The following MPDZ variants were observed in gnomAD, a reference collection of about 807,000 sequenced individuals.
MPDZ encodes multiple PDZ domain crumbs cell polarity complex component.
A neutral mutation model predicts 239.1 loss-of-function variants in MPDZ; 234 were observed. The ratio of observed to expected loss-of-function variants is 0.98; its 90% CI spans 0.88 to 1.09. The LOEUF is 1.09. MPDZ is among the 50% of genes least tolerant of loss of function. The pLI is 0.00. For synonymous variants in MPDZ, 1,048 were observed against 881.3 expected (o/e 1.19, Z -3.35); for missense variants, 3,175 against 2,510.0 (o/e 1.26, Z -5.66).
chr9:13,129,204 T>C (rs150269327), intron 32 of MPDZ, among the ~76,000 whole-genome samples: 5,136 of 152,226 alleles, frequency 0.034, 299 homozygotes, highest in African/African-American at 0.12. Flanking sequence ...GGCTCAGACC[T>C]GTAATCCCAG....
chr9:13,242,354 T>C (rs1212658556), intron 3 of MPDZ, among the ~76,000 whole-genome samples: 2 of 150,006 alleles, frequency 1.3e-5, no homozygotes, highest in African/African-American at 2.5e-5. Context: ...GCCTCCCCAG[T>C]AGCTGGGATT....
At chr9:13,202,145 T>C (rs1465278632) in intron 12 of MPDZ, among the ~76,000 whole-genome samples, 1 of 152,206 alleles carries the variant, frequency 6.6e-6, no homozygotes, top group Non-Finnish European at 1.5e-5. Context: ...ACTTAAATGC[T>C]GGGCTGTTGT....
At chr9:13,197,278 T>G (rs1484666629) in intron 12 of MPDZ, among the ~76,000 whole-genome samples, 1 of 151,816 alleles carries the variant, frequency 6.6e-6, no homozygotes, top group Non-Finnish European at 1.5e-5. Context: ...ATAGAAGAAA[T>G]ATGTTCCAGT....
intron 3 of MPDZ, among the ~76,000 whole-genome samples, chr9:13,236,197 ATGTGTGTGTGTGTG>A (rs377695828): frequency 3.0e-4 from 23 of 76,994 alleles, no homozygotes; most frequent in Non-Finnish European, 4.9e-4. Context: ...TTCTGTATAT[ATGTGTGTGTGTGTG>A]TGTGTGTGTG....
chr9:13,199,816 G>C (rs1007834520), intron 12 of MPDZ, among the ~76,000 whole-genome samples: 3 of 152,030 alleles, frequency 2.0e-5, no homozygotes, highest in Non-Finnish European at 4.4e-5. Flanking sequence ...AATCAAACTT[G>C]ATTATGATTA....
At chr9:13,205,367 G>C (rs1956874704) in intron 11 of MPDZ, among the ~76,000 whole-genome samples, 2 of 152,116 alleles carry the variant, frequency 1.3e-5, no homozygotes, top group African/African-American at 2.4e-5. Context: ...TTTTAGAAAT[G>C]AAACAGCACT....
intron 10 of MPDZ, among the ~76,000 whole-genome samples, chr9:13,211,637 G>T (rs1476258412): frequency 6.6e-6 from 1 of 151,942 alleles, no homozygotes; most frequent in South Asian, 2.1e-4. Flanking sequence ...AGAAATATAA[G>T]GTAGTATGTA....
At chr9:13,274,929 A>T (rs943418017) in intron 1 of MPDZ, among the ~76,000 whole-genome samples, 1 of 150,402 alleles carries the variant, frequency 6.6e-6, no homozygotes, top group African/African-American at 2.5e-5. Flanking sequence ...TAAAACACTT[A>T]AAAAAAAAAT....
chr9:13,181,830 C>G (rs1037745747), intron 19 of MPDZ, among the ~76,000 whole-genome samples: 12 of 152,148 alleles, frequency 7.9e-5, no homozygotes, highest in Non-Finnish European at 1.5e-4. Context: ...AAGACGTGTG[C>G]TATGCTGTGG....
At chr9:13,197,681 T>C (rs548075487) in intron 12 of MPDZ, among the ~76,000 whole-genome samples, 44 of 152,224 alleles carry the variant, frequency 2.9e-4, no homozygotes, top group South Asian at 1.5e-3. Context: ...TACTGTGCTG[T>C]TGAACACTAG....
intron 22 of MPDZ, among the ~76,000 whole-genome samples, chr9:13,167,237 G>T (rs1951186843): frequency 6.6e-6 from 1 of 151,982 alleles, no homozygotes; most frequent in South Asian, 2.1e-4. Context: ...CATTTTTAAT[G>T]ATGTTTACTT....
intron 19 of MPDZ, among the ~76,000 whole-genome samples, chr9:13,177,119 A>G (rs1469308185): frequency 1.3e-5 from 2 of 152,150 alleles, no homozygotes; most frequent in East Asian, 3.9e-4. Flanking sequence ...CTAAAATTGT[A>G]GAGTTCTATA....
chr9:13,246,938 A>C (rs1391155948), intron 3 of MPDZ, among the ~76,000 whole-genome samples: 1 of 152,244 alleles, frequency 6.6e-6, no homozygotes. Context: ...TGATTAAATT[A>C]AGTAAGTTCA....
chr9:13,113,909 T>C, intron 41 of MPDZ, 22 bp downstream of exon 41: 1 of 1,552,346 alleles, frequency 6.4e-7, no homozygotes, highest in East Asian at 2.3e-5. Flanking sequence ...AAACCATGTT[T>C]AAAATACTGA....
At chr9:13,109,854 T>C in intron 45 of MPDZ, 98 bp downstream of exon 45, 1 of 889,716 alleles carries the variant, frequency 1.1e-6, no homozygotes, top group East Asian at 2.6e-5. Flanking sequence ...ATTTTACCTG[T>C]ACGTAATTCC....
intron 10 of MPDZ, among the ~76,000 whole-genome samples, chr9:13,208,158 C>G (rs1375324938): frequency 6.6e-6 from 1 of 152,116 alleles, no homozygotes; most frequent in Non-Finnish European, 1.5e-5. Flanking sequence ...AGATCTAGAT[C>G]AAGGCTGGGC....
intron 12 of MPDZ, among the ~76,000 whole-genome samples, chr9:13,201,793 T>A (rs920513457): frequency 1.3e-5 from 2 of 152,092 alleles, no homozygotes; most frequent in Non-Finnish European, 2.9e-5. Flanking sequence ...AAATAAAAGA[T>A]ACAAAGATAA....
intron 23 of MPDZ, among the ~76,000 whole-genome samples, chr9:13,160,869 T>TATATATAAATAA (rs1554669676): frequency 1.6e-5 from 2 of 127,808 alleles, no homozygotes. Flanking sequence ...TATATATATA[T>TATATATAAATAA]AAAACAGGTA....
At chr9:13,200,785 G>C (rs994012213) in intron 12 of MPDZ, among the ~76,000 whole-genome samples, 4 of 151,926 alleles carry the variant, frequency 2.6e-5, no homozygotes. Context: ...TACTTGATAT[G>C]ATTTTGATAT....
Sources: gnomAD v4.1 joint callset for allele counts (sites outside exome capture counted in the v4.1 genomes callset) on GRCh38, gnomAD v4.1.1 for gene constraint, MANE v1.5 for transcripts, NCBI Gene and HGNC (gene_info 2026-07-23, HGNC 2026-07-21) for gene names.